The following GAS2 variants were observed in gnomAD, a reference collection of about 807,000 sequenced individuals.
GAS2 encodes the protein growth arrest specific 2.
In GAS2, 20 loss-of-function variants were observed where a neutral mutation model predicts 37.5. That is an observed-to-expected ratio of 0.53 (90% CI 0.37 to 0.77). The LOEUF is 0.77. Ranked by LOEUF, GAS2 falls within the 30% of genes least tolerant of loss-of-function variation. The probability of loss-of-function intolerance (pLI) is 0.00; values close to 1 mark genes in which losing one functional copy is unlikely to be tolerated. For synonymous variants in GAS2, 144 were observed against 132.2 expected (o/e 1.09, Z -0.61); for missense variants, 336 against 373.4 (o/e 0.90, Z 0.82).
intron 7 of GAS2, among the ~76,000 whole-genome samples, chr11:22,758,652 G>A (rs895845954): frequency 1.1e-4 from 17 of 152,102 alleles, no homozygotes; most frequent in African/African-American, 3.4e-4. Flanking sequence ...AGTGGTTTAC[G>A]CCTGTAATCC....
At chr11:22,657,926 T>A (rs904527383) in intron 1 of GAS2, among the ~76,000 whole-genome samples, 1 of 152,212 alleles carries the variant, frequency 6.6e-6, no homozygotes, top group African/African-American at 2.4e-5. Context: ...CTATTTATAA[T>A]TTCTACTTTT....
intron 7 of GAS2, among the ~76,000 whole-genome samples, chr11:22,806,150 A>G (rs1246845329): frequency 6.6e-6 from 1 of 152,118 alleles, no homozygotes; most frequent in African/African-American, 2.4e-5. Context: ...CCCCTATTCA[A>G]GATGGAGTTG....
chr11:22,672,856 A>C (rs1849259543), intron 1 of GAS2, among the ~76,000 whole-genome samples: 1 of 150,784 alleles, frequency 6.6e-6, no homozygotes, highest in African/African-American at 2.4e-5. Flanking sequence ...TGGGTTTTTC[A>C]TGTTTAATCA....
chr11:22,738,157 C>T (rs536885354), intron 5 of GAS2, among the ~76,000 whole-genome samples: 1 of 152,272 alleles, frequency 6.6e-6, no homozygotes, highest in Non-Finnish European at 1.5e-5. Context: ...TAATAATTTT[C>T]AGCCTCCCCT....
At chr11:22,788,565 A>G (rs1250344151) in intron 7 of GAS2, among the ~76,000 whole-genome samples, 4 of 152,148 alleles carry the variant, frequency 2.6e-5, no homozygotes, top group African/African-American at 9.7e-5. Context: ...CTGATAGAAA[A>G]AGCACACTAT....
In GAS2 at chr11:22,637,242, A is replaced by G. The variant is rs1277172313; in HGVS notation, c.-21+11429A>G. On this transcript the variant is annotated intron_variant, in intron 1 of 5. Coordinates refer to the GAS2 transcript ENST00000528582. ...ATAGTATACTAATATAATATTAATT[A>G]TATTAATAGTATACTAATATATTAA... is the stretch of plus-strand genomic sequence containing the variant. Among the ~76,000 whole-genome samples, 2 of 54,264 alleles carry G rather than the reference A, an allele frequency of 3.7e-5. 1 individual carries two copies. Among genetic ancestry groups the G allele is most frequent in the African/African-American group, 1.3e-4 (2 of 15,018 alleles). The allele number at this position is 54,264 out of a possible 152,430, so 35.6% of individuals were successfully genotyped here. A position where few individuals can be genotyped will look rare whatever the true frequency, so the allele number is the denominator to read the frequency against.
chr11:22,740,194 T>C (rs1852997353), intron 5 of GAS2, among the ~76,000 whole-genome samples: 1 of 152,178 alleles, frequency 6.6e-6, no homozygotes, highest in South Asian at 2.1e-4. Flanking sequence ...GCCTTGTCAT[T>C]TTCAAGGTAA....
intron 2 of GAS2, among the ~76,000 whole-genome samples, chr11:22,681,537 A>G (rs1565082612): frequency 6.6e-6 from 1 of 152,180 alleles, no homozygotes; most frequent in Non-Finnish European, 1.5e-5. Flanking sequence ...ACCGGTCAGG[A>G]CTTTAACATG....
chr11:22,734,486 A>T (rs1468394556), intron 4 of GAS2, among the ~76,000 whole-genome samples: 1 of 151,692 alleles, frequency 6.6e-6, no homozygotes, highest in Non-Finnish European at 1.5e-5. Context: ...TCTTCTCTTC[A>T]TTCCAGAGTT....
At chr11:22,671,920 A>G (rs190278769) in intron 1 of GAS2, among the ~76,000 whole-genome samples, 1 of 152,272 alleles carries the variant, frequency 6.6e-6, no homozygotes, top group East Asian at 1.9e-4. Flanking sequence ...ATCTAAATCC[A>G]AGACCTGCAG....
chr11:22,782,713 C>T (rs1346833443), intron 7 of GAS2, among the ~76,000 whole-genome samples: 71 of 141,938 alleles, frequency 5.0e-4, no homozygotes, highest in Middle Eastern at 3.5e-3. Flanking sequence ...CCTCCAGCTG[C>T]ATCCATGTTG....
chr11:22,681,581 C>A (rs1404500438), intron 2 of GAS2, among the ~76,000 whole-genome samples: 1 of 152,014 alleles, frequency 6.6e-6, no homozygotes, highest in Non-Finnish European at 1.5e-5. Context: ...TCTTTCTTTC[C>A]CTACAAACAC....
rs1848725043 is a variant in GAS2 at position 22,648,064 on chromosome 11, G to GT, written c.-21+22254dup. On this transcript the variant is annotated intron_variant, in intron 1 of 5. Transcript: ENST00000528582. ...GGGTTTTTATGGTTTTAGGTCTAAC[G>GT]TTTAAGTCTTCAATCCATCTTGAAT... Among the ~76,000 whole-genome samples, 3 of 152,252 alleles carry GT rather than the reference G, an allele frequency of 2.0e-5. No homozygotes were observed. The South Asian group carries it at 6.2e-4, about 32-fold the overall frequency.
intron 3 of GAS2, among the ~76,000 whole-genome samples, chr11:22,697,195 T>C (rs886181647): frequency 6.6e-6 from 1 of 152,144 alleles, no homozygotes; most frequent in Non-Finnish European, 1.5e-5. Flanking sequence ...ATTTATTAAA[T>C]AGGGAATCCT....
intron 4 of GAS2, among the ~76,000 whole-genome samples, chr11:22,735,224 CTTTTTTTTT>C (rs397750049): frequency 9.2e-6 from 1 of 109,208 alleles, no homozygotes; most frequent in African/African-American, 3.7e-5. Context: ...ACCAATCATT[CTTTTTTTTT>C]TTTTTTTTTT....
rs1858824821 is a variant in GAS2 at position 22,636,603 on chromosome 11, A to G, written c.-21+10790A>G. Among the ~76,000 whole-genome samples, 4 of 152,150 alleles carry G rather than the reference A, an allele frequency of 2.6e-5. No individual in the cohort carries two copies. The South Asian group carries it at 8.3e-4, about 31-fold the overall frequency. ...AACCCAGCCTTAAGCCTATCAATGT[A>G]TAACATTCTCTAATGACAGAAATTT... On this transcript the variant is annotated intron_variant, in intron 1 of 5. Transcript: ENST00000528582.
chr11:22,770,940 TTG>T (rs1348455395), intron 7 of GAS2, among the ~76,000 whole-genome samples: 2 of 152,210 alleles, frequency 1.3e-5, no homozygotes, highest in African/African-American at 4.8e-5. Context: ...GTCTTCATGG[TTG>T]TGACTATATC....
chr11:22,798,465 A>T (rs989840173), intron 7 of GAS2, among the ~76,000 whole-genome samples: 5 of 152,058 alleles, frequency 3.3e-5, no homozygotes, highest in African/African-American at 1.2e-4. Context: ...GGAAAAACAA[A>T]TAGGAGCTTC....
intron 1 of GAS2, among the ~76,000 whole-genome samples, chr11:22,632,820 C>G (rs568812461): frequency 1.2e-3 from 186 of 150,552 alleles, no homozygotes; most frequent in African/African-American, 4.4e-3. Context: ...TTCTGGAATT[C>G]TTTATTCCAC....
Sources: allele counts gnomAD v4.1 joint callset (sites outside exome capture counted in the v4.1 genomes callset), GRCh38; gene constraint gnomAD v4.1.1; transcripts MANE v1.5; gene names NCBI Gene and HGNC (gene_info 2026-07-23, HGNC 2026-07-21).